The following PARD3B variants were observed in gnomAD, a reference collection of about 807,000 sequenced individuals.
PARD3B encodes partitioning defective 3 homolog B.
A neutral mutation model predicts 130.2 loss-of-function variants in PARD3B; 103 were observed. That is an observed-to-expected ratio of 0.79 (90% CI 0.67 to 0.93). The LOEUF is 0.93. Ranked by LOEUF, PARD3B falls within the 40% of genes least tolerant of loss-of-function variation. PARD3B has a pLI of 0.00. For synonymous variants in PARD3B, 583 were observed against 553.2 expected, an observed-to-expected ratio of 1.05 and a Z score of -0.76; for missense variants, 1,609 against 1,499.2, an observed-to-expected ratio of 1.07 and a Z score of -1.21.
chr2:205,090,367 G>T (rs965229364), intron 4 of PARD3B, among the ~76,000 whole-genome samples: 2 of 152,184 alleles, frequency 1.3e-5, no homozygotes, highest in African/African-American at 2.4e-5. Flanking sequence ...TCTGTTACAG[G>T]TTTGAAACAT....
intron 19 of PARD3B, among the ~76,000 whole-genome samples, chr2:205,423,104 T>C (rs1271448366): frequency 2.0e-5 from 3 of 152,202 alleles, no homozygotes; most frequent in Admixed American, 6.5e-5. Context: ...GTGCCCTAAC[T>C]GCACAACAGT....
intron 10 of PARD3B, among the ~76,000 whole-genome samples, chr2:205,139,579 T>A (rs1575923376): frequency 6.6e-6 from 1 of 152,208 alleles, no homozygotes; most frequent in African/African-American, 2.4e-5. Flanking sequence ...TTATGTACTA[T>A]GTAGGCATGC....
intron 12 of PARD3B, among the ~76,000 whole-genome samples, chr2:205,174,995 C>T (rs1452328294): frequency 6.6e-6 from 1 of 152,168 alleles, no homozygotes; most frequent in African/African-American, 2.4e-5. Flanking sequence ...TTTTTCCTTT[C>T]CCCAAAACAT....
At chr2:205,170,506 G>A (rs2035098319) in intron 11 of PARD3B, among the ~76,000 whole-genome samples, 1 of 152,170 alleles carries the variant, frequency 6.6e-6, no homozygotes, top group South Asian at 2.1e-4. Flanking sequence ...TCTTCCCCGA[G>A]TGGGTGTGTC....
intron 11 of PARD3B, 142 bp from the exon 12 acceptor site, chr2:205,172,069 C>A: frequency 1.3e-6 from 1 of 747,232 alleles, no homozygotes; most frequent in Non-Finnish European, 2.1e-6. Context: ...CCTTTTTCTG[C>A]CATGGAAAAT....
chr2:204,814,605 A>G (rs966459138), intron 2 of PARD3B, among the ~76,000 whole-genome samples: 1 of 151,926 alleles, frequency 6.6e-6, no homozygotes, highest in African/African-American at 2.4e-5. Context: ...ACAATGTGGA[A>G]GAGAAGTGGT....
chr2:204,926,178 A>G (rs1249237765), intron 2 of PARD3B, among the ~76,000 whole-genome samples: 1 of 152,014 alleles, frequency 6.6e-6, no homozygotes, highest in East Asian at 1.9e-4. Context: ...TTTGTCACCC[A>G]GGCAAGACCA....
intron 21 of PARD3B, among the ~76,000 whole-genome samples, chr2:205,524,156 C>T (rs186982233): frequency 5.9e-5 from 9 of 152,166 alleles, no homozygotes; most frequent in African/African-American, 2.2e-4. Context: ...AATGTTTTAC[C>T]TACATTTGTC....
At chr2:204,558,306 CA>C (rs1559155038) in intron 1 of PARD3B, 1 of 152,158 alleles carries the variant, frequency 6.6e-6, no homozygotes, top group Non-Finnish European at 1.5e-5. Flanking sequence ...CCCATTGTCT[CA>C]GCTCAAAATC....
chr2:205,176,580 A>G lies in PARD3B; in HGVS notation c.1924+3A>G, dbSNP rs948830715. On this transcript the variant is annotated splice_donor_region_variant and intron_variant, in intron 13 of 22. Coordinates refer to ENST00000406610, the MANE Select transcript of PARD3B (RefSeq NM_001302769.2). The surrounding 1 kb of genome is among the most constrained non-coding windows in gnomAD (Gnocchi z 5.3). ...CAGTCCACAAGACAAACAGAAAGGT[A>G]AGAGTCTATTCATTTTATCCACTGC... 2.2e-5 allele frequency: 36 copies of G among 1,600,816 alleles called. No homozygotes were observed. Among genetic ancestry groups the G allele is most frequent in the Non-Finnish European group, 2.3e-5 (27 of 1,175,076 alleles).
chr2:205,474,306 T>C (rs1356127638), intron 20 of PARD3B, among the ~76,000 whole-genome samples: 1 of 152,148 alleles, frequency 6.6e-6, no homozygotes, highest in Admixed American at 6.6e-5. Flanking sequence ...TATTAACTTT[T>C]TAGAGTATTT....
At chr2:204,707,584 T>G (rs1412143028) in intron 2 of PARD3B, among the ~76,000 whole-genome samples, 1 of 152,220 alleles carries the variant, frequency 6.6e-6, no homozygotes, top group Non-Finnish European at 1.5e-5. Flanking sequence ...TTATAAATGA[T>G]CTTTCATGAC....
rs199531116 is a variant in PARD3B, at chr2:204,999,104, CT to C, written c.394+33794del. 8.2e-3 allele frequency among the ~76,000 whole-genome samples: 1,180 copies of C among 143,882 alleles called. 7 individuals are homozygous for C. Among genetic ancestry groups the C allele is most frequent in the Non-Finnish European group, 0.012 (763 of 65,180 alleles). The allele number at this position is 143,882 out of a possible 152,430, so 94.4% of individuals were successfully genotyped here. On this transcript the variant is annotated intron_variant, in intron 3 of 22. Coordinates refer to ENST00000406610, the MANE Select transcript of PARD3B (RefSeq NM_001302769.2). Reference sequence around the variant, plus strand: ...GGTTCAGTTTGCTAATGCTTTCTTACTTTTTTTTTTTTTGCCAATATTTTCT... The same window carrying C: ...GGTTCAGTTTGCTAATGCTTTCTTACTTTTTTTTTTTTGCCAATATTTTCT...
intron 18 of PARD3B, among the ~76,000 whole-genome samples, chr2:205,333,952 A>G (rs545059256): frequency 6.6e-6 from 1 of 152,274 alleles, no homozygotes; most frequent in African/African-American, 2.4e-5. Flanking sequence ...AAGTATTCCT[A>G]ATTGATAGCA....
chr2:205,042,077 A>T (rs1341436356), intron 3 of PARD3B, among the ~76,000 whole-genome samples: 3 of 152,154 alleles, frequency 2.0e-5, no homozygotes, highest in African/African-American at 7.2e-5. Flanking sequence ...TATATCTTGC[A>T]TGATTCATTG....
At chr2:205,425,880 G>A (rs191568281) in intron 19 of PARD3B, among the ~76,000 whole-genome samples, 31 of 152,126 alleles carry the variant, frequency 2.0e-4, no homozygotes, top group African/African-American at 4.6e-4. Context: ...AGAATTCACC[G>A]TGTTATTTGT....
intron 1 of PARD3B, among the ~76,000 whole-genome samples, chr2:204,590,692 CT>C (rs1445922724): frequency 6.6e-6 from 1 of 152,174 alleles, no homozygotes; most frequent in East Asian, 1.9e-4. Flanking sequence ...AAAATGTAGC[CT>C]TTAGTTAGCA....
chr2:205,506,214 T>C (rs1163735136), intron 21 of PARD3B, among the ~76,000 whole-genome samples: 1 of 152,100 alleles, frequency 6.6e-6, no homozygotes, highest in Non-Finnish European at 1.5e-5. Flanking sequence ...ACACCTGTAG[T>C]CCCAGCTACT....
chr2:205,113,401 T>G (rs1703788965), intron 5 of PARD3B, 90 bp from the exon 6 acceptor site: 6 of 706,374 alleles, frequency 8.5e-6, no homozygotes, highest in East Asian at 2.9e-5. Context: ...GGGGTGTGTG[T>G]GTGTGTGTGT....
Sources: allele counts gnomAD v4.1 joint callset (sites outside exome capture counted in the v4.1 genomes callset), GRCh38; gene constraint gnomAD v4.1.1; non-coding constraint Gnocchi (gnomAD v3.1); transcripts MANE v1.5; gene names NCBI Gene and HGNC (gene_info 2026-07-23, HGNC 2026-07-21).